Variants in NSMCE2 observed in about 807,000 individuals in gnomAD.
The protein encoded by NSMCE2 is E3 SUMO-protein ligase NSE2.
A neutral mutation model predicts 23.8 loss-of-function variants in NSMCE2; 24 were observed. The ratio of observed to expected loss-of-function variants is 1.01; its 90% CI spans 0.73 to 1.42. The LOEUF (loss-of-function observed/expected upper bound fraction) is 1.42, where lower values mean the gene tolerates loss of function less well. Among genes scored for constraint, NSMCE2 ranks in the 40% most tolerant of loss-of-function variants. NSMCE2 has a pLI of 0.00. For missense variants in NSMCE2, 284 were observed against 296.5 expected (o/e 0.96, Z 0.31); for synonymous variants, 92 against 94.1 (o/e 0.98, Z 0.13).
intron 5 of NSMCE2, among the ~76,000 whole-genome samples, chr8:125,328,911 A>G (rs904430113): frequency 2.0e-5 from 3 of 152,148 alleles, no homozygotes; most frequent in African/African-American, 7.2e-5. Context: ...GTGAGACCCG[A>G]AGTCAGAACT....
intron 5 of NSMCE2, among the ~76,000 whole-genome samples, chr8:125,241,047 G>A (rs1483448383): frequency 6.6e-6 from 1 of 152,026 alleles, no homozygotes; most frequent in Non-Finnish European, 1.5e-5. Context: ...AGACTTTTTT[G>A]AATTTTGGAA....
At chr8:125,191,821 G>T (rs559175055) in intron 5 of NSMCE2, among the ~76,000 whole-genome samples, 2 of 151,994 alleles carry the variant, frequency 1.3e-5, no homozygotes, top group East Asian at 1.9e-4. Flanking sequence ...ACATCCACAC[G>T]CAGGAAAGGA....
At chr8:125,096,634 CTTTTTTTTTT>C (rs34656029) in intron 1 of NSMCE2, among the ~76,000 whole-genome samples, 1 of 80,436 alleles carries the variant, frequency 1.2e-5, no homozygotes, top group African/African-American at 5.2e-5. Context: ...GTGTGGAATC[CTTTTTTTTTT>C]TTTTTTTTTT....
chr8:125,245,696 T>A (rs945048944), intron 5 of NSMCE2, among the ~76,000 whole-genome samples: 1 of 151,986 alleles, frequency 6.6e-6, no homozygotes, highest in African/African-American at 2.4e-5. Context: ...AAATGATCAA[T>A]CTAAGAGCTG....
chr8:125,131,944 C>T (rs138427267), intron 3 of NSMCE2, among the ~76,000 whole-genome samples: 483 of 152,308 alleles, frequency 3.2e-3, no homozygotes, highest in African/African-American at 0.011. Context: ...GGCAGCCTGT[C>T]TCCAGAGTCT....
chr8:125,155,773 C>A (rs751452344), intron 4 of NSMCE2, among the ~76,000 whole-genome samples: 4 of 152,072 alleles, frequency 2.6e-5, no homozygotes, highest in Admixed American at 1.3e-4. Flanking sequence ...AGAGTGAACA[C>A]CAGTTTAGTT....
At chr8:125,134,576 T>C in intron 3 of NSMCE2, among the ~76,000 whole-genome samples, 1 of 152,182 alleles carries the variant, frequency 6.6e-6, no homozygotes, top group East Asian at 1.9e-4. Flanking sequence ...GTGAAGTATC[T>C]TCAAATCTTG....
chr8:125,229,841 A>T (rs1359635817), intron 5 of NSMCE2, among the ~76,000 whole-genome samples: 1 of 152,142 alleles, frequency 6.6e-6, no homozygotes, highest in African/African-American at 2.4e-5. Context: ...TAAAATGTTT[A>T]ATTTTATTTT....
At chr8:125,334,029 G>A (rs893144989) in intron 5 of NSMCE2, among the ~76,000 whole-genome samples, 3 of 152,104 alleles carry the variant, frequency 2.0e-5, no homozygotes, top group African/African-American at 7.2e-5. Flanking sequence ...CGTGGACTCA[G>A]GATAAACAGA....
chr8:125,194,496 A>C (rs1054585547), intron 5 of NSMCE2, among the ~76,000 whole-genome samples: 6 of 152,248 alleles, frequency 3.9e-5, no homozygotes, highest in Non-Finnish European at 7.4e-5. Flanking sequence ...TTCATTTACC[A>C]GTTGAAGAAC....
At chr8:125,365,909 T>G (rs563330929) in intron 7 of NSMCE2, among the ~76,000 whole-genome samples, 1 of 152,288 alleles carries the variant, frequency 6.6e-6, no homozygotes, top group South Asian at 2.1e-4. Context: ...ATTGGCGCAC[T>G]GACCTCACTT....
intron 5 of NSMCE2, among the ~76,000 whole-genome samples, chr8:125,199,276 T>C (rs1296841215): frequency 2.6e-5 from 4 of 152,212 alleles, no homozygotes; most frequent in Admixed American, 2.6e-4. Flanking sequence ...GATGTTAGGG[T>C]GTCGATTTTA....
intron 4 of NSMCE2, among the ~76,000 whole-genome samples, chr8:125,180,993 G>A (rs1379787611): frequency 6.6e-6 from 1 of 152,162 alleles, no homozygotes; most frequent in Non-Finnish European, 1.5e-5. Context: ...TGGAGTGGTG[G>A]TAGAAGTCCG....
At chr8:125,353,902 A>AAT (rs140804833) in intron 5 of NSMCE2, among the ~76,000 whole-genome samples, 63,716 of 145,926 alleles carry the variant, frequency 0.44, 15,926 homozygotes, top group Admixed American at 0.54. Flanking sequence ...AAAAATAAAA[A>AAT]ATATATATAT....
intron 5 of NSMCE2, among the ~76,000 whole-genome samples, chr8:125,286,367 C>T (rs930344534): frequency 6.7e-6 from 1 of 149,592 alleles, no homozygotes; most frequent in Non-Finnish European, 1.5e-5. Flanking sequence ...GGCTGGAGTG[C>T]AATGGTGCAG....
chr8:125,205,822 G>C (rs995489622), intron 5 of NSMCE2, among the ~76,000 whole-genome samples: 1 of 152,120 alleles, frequency 6.6e-6, no homozygotes, highest in African/African-American at 2.4e-5. Context: ...AATAAAATAT[G>C]CTATCTCTGA....
chr8:125,187,402 T>C (rs977408772), intron 5 of NSMCE2, among the ~76,000 whole-genome samples: 1 of 152,220 alleles, frequency 6.6e-6, no homozygotes, highest in Non-Finnish European at 1.5e-5. Flanking sequence ...TATGATTCGG[T>C]TTAAGGCAGA....
rs535319056 is a variant in NSMCE2, at chr8:125,269,962, A to G, written c.419-87257A>G. On this transcript the variant is annotated intron_variant, in intron 5 of 7. Transcript: ENST00000287437. ...TATGTACTTTATGCAAGGCTGAACT[A>G]AAGGACAAGCACGGCCCTTATGGTT... Among the ~76,000 whole-genome samples, 4 of 152,352 alleles carry G rather than the reference A, an allele frequency of 2.6e-5. No individual in the cohort carries two copies. In the South Asian group the frequency reaches 8.3e-4, roughly 32 times the overall value.
chr8:125,134,407 G>A (rs376249914), intron 3 of NSMCE2, among the ~76,000 whole-genome samples: 3 of 152,094 alleles, frequency 2.0e-5, no homozygotes, highest in South Asian at 2.1e-4. Flanking sequence ...CTCTATAGTC[G>A]CTCCCCATCC....
Sources: gnomAD v4.1 joint callset for allele counts (sites outside exome capture counted in the v4.1 genomes callset) on GRCh38, gnomAD v4.1.1 for gene constraint, MANE v1.5 for transcripts, NCBI Gene and HGNC (gene_info 2026-07-23, HGNC 2026-07-21) for gene names.